Variants in LRRC4C observed in about 807,000 individuals in gnomAD.
LRRC4C encodes leucine-rich repeat-containing protein 4C.
Under a neutral mutation model 33.6 loss-of-function variants are expected in LRRC4C, and 5 were observed. That is an observed-to-expected ratio of 0.15 (90% CI 0.08 to 0.31). The LOEUF (loss-of-function observed/expected upper bound fraction) is 0.31, where lower values mean the gene tolerates loss of function less well. LRRC4C is among the 10% of genes least tolerant of loss of function. LRRC4C has a pLI of 1.00. For synonymous variants in LRRC4C, 329 were observed against 302.0 expected (o/e 1.09, Z -0.93); for missense variants, 560 against 796.7 (o/e 0.70, Z 3.58).
chr11:40,499,429 T>C (rs553930752), intron 3 of LRRC4C, among the ~76,000 whole-genome samples: 8 of 152,224 alleles, frequency 5.3e-5, no homozygotes, highest in South Asian at 2.1e-4. Context: ...AATCTTTGGG[T>C]AAAAATGGCC....
rs1590408072 is a variant in LRRC4C, at chr11:40,116,271, G to A, written c.22C>T (p.His8Tyr). MLNKMTL[H>Y]PQQIMIGPRF... ...GGACCTATCATTATCTGCTGTGGATGTAAGGTCATCTTGTTCAACATTCAT... is the reference window on the plus strand; with the variant it reads ...GGACCTATCATTATCTGCTGTGGATATAAGGTCATCTTGTTCAACATTCAT... Residue 8 changes from histidine (H) to tyrosine (Y), a missense_variant, in exon 7 of 7, where the codon CAT becomes TAT. Coordinates refer to ENST00000528697, the MANE Select transcript of LRRC4C (RefSeq NM_001258419.2). 8.7e-6 allele frequency: 14 copies of A among 1,600,434 alleles called. 1 individual carries two copies. The East Asian group carries it at 2.7e-4, about 31-fold the overall frequency.
intron 3 of LRRC4C, among the ~76,000 whole-genome samples, chr11:40,505,719 G>A (rs1955000009): frequency 6.6e-6 from 1 of 152,126 alleles, no homozygotes; most frequent in Non-Finnish European, 1.5e-5. Context: ...CTTGACACTT[G>A]CTTTACTAGG....
intron 1 of LRRC4C, among the ~76,000 whole-genome samples, chr11:41,439,932 T>C (rs915502244): frequency 6.6e-6 from 1 of 152,236 alleles, no homozygotes; most frequent in Non-Finnish European, 1.5e-5. Context: ...CAAATACTTC[T>C]CTCATTCAGT....
At chr11:40,522,880 C>T (rs1242901068) in intron 3 of LRRC4C, among the ~76,000 whole-genome samples, 3 of 152,140 alleles carry the variant, frequency 2.0e-5, no homozygotes, top group African/African-American at 7.2e-5. Context: ...GTCCAAATAT[C>T]TTTTCTCTTA....
At chr11:41,129,355 A>AT (rs1435010086) in intron 1 of LRRC4C, among the ~76,000 whole-genome samples, 1 of 151,814 alleles carries the variant, frequency 6.6e-6, no homozygotes, top group Non-Finnish European at 1.5e-5. Flanking sequence ...TTTTTCCTCT[A>AT]TTTTTTAATA....
At position 41,296,155 on chromosome 11, in the gene LRRC4C, A is replaced by C. The variant is rs372168181; in HGVS notation, c.-496+163276T>G. On this transcript the variant is annotated intron_variant, in intron 1 of 6. Transcript: ENST00000528697. ...TGGCAAAGATTTTTTAAAAATTGTGAGGGACAGAATCTCAGTGCTCAGAAA... is the reference window on the plus strand; with the variant it reads ...TGGCAAAGATTTTTTAAAAATTGTGCGGGACAGAATCTCAGTGCTCAGAAA... 1.2e-4 allele frequency among the ~76,000 whole-genome samples: 19 copies of C among 152,298 alleles called. No homozygotes were observed. In the East Asian group the frequency reaches 2.1e-3, roughly 17 times the overall value.
intron 3 of LRRC4C, among the ~76,000 whole-genome samples, chr11:40,424,398 C>A (rs1327614700): frequency 2.0e-5 from 3 of 151,998 alleles, no homozygotes; most frequent in African/African-American, 7.3e-5. Context: ...AAAAAGAAAA[C>A]AAAATGATTA....
intron 3 of LRRC4C, among the ~76,000 whole-genome samples, chr11:40,495,786 G>A (rs983252903): frequency 6.6e-5 from 8 of 121,242 alleles, no homozygotes; most frequent in South Asian, 5.6e-4. Context: ...TTGGGACATC[G>A]ATTTTATTGA....
intron 3 of LRRC4C, among the ~76,000 whole-genome samples, chr11:40,616,080 C>A (rs576988301): frequency 1.3e-5 from 2 of 151,968 alleles, no homozygotes; most frequent in South Asian, 4.2e-4. Flanking sequence ...ACAAACAACC[C>A]CATCAAAAAG....
intron 3 of LRRC4C, among the ~76,000 whole-genome samples, chr11:40,401,693 A>G (rs1393909020): frequency 6.6e-6 from 1 of 152,158 alleles, no homozygotes; most frequent in South Asian, 2.1e-4. Context: ...TGCCCTCTAC[A>G]GCCCACTGCA....
intron 5 of LRRC4C, among the ~76,000 whole-genome samples, chr11:40,195,727 A>AT (rs377397241): frequency 1.0e-4 from 15 of 146,452 alleles, no homozygotes; most frequent in African/African-American, 3.8e-4. Flanking sequence ...TGTATGGCAA[A>AT]TAAAAAGGTG....
At chr11:40,656,726 G>A (rs533652893) in intron 2 of LRRC4C, among the ~76,000 whole-genome samples, 7 of 152,194 alleles carry the variant, frequency 4.6e-5, no homozygotes, top group African/African-American at 1.7e-4. Flanking sequence ...TATATTGTAG[G>A]TTTCCACCTA....
intron 3 of LRRC4C, among the ~76,000 whole-genome samples, chr11:40,537,127 T>A (rs72883474): frequency 0.088 from 13,385 of 152,172 alleles, 1,673 homozygotes; most frequent in African/African-American, 0.28. Context: ...TGACCTTCAA[T>A]AACAAAAAAT....
At chr11:40,651,350 G>A (rs978338012) in intron 2 of LRRC4C, among the ~76,000 whole-genome samples, 8 of 151,944 alleles carry the variant, frequency 5.3e-5, no homozygotes, top group African/African-American at 1.7e-4. Flanking sequence ...AAAAGAGATG[G>A]GGGTGGGGGA....
chr11:40,981,369 A>G (rs543838023), intron 1 of LRRC4C, among the ~76,000 whole-genome samples: 22 of 151,980 alleles, frequency 1.4e-4, no homozygotes, highest in African/African-American at 4.3e-4. Flanking sequence ...AGCAGAGATC[A>G]CGCCACTGCA....
intron 3 of LRRC4C, among the ~76,000 whole-genome samples, chr11:40,559,102 C>T (rs535356842): frequency 6.6e-6 from 1 of 151,198 alleles, no homozygotes; most frequent in African/African-American, 2.4e-5. Flanking sequence ...TGTCTAATCT[C>T]TTATTGATGG....
intron 2 of LRRC4C, among the ~76,000 whole-genome samples, chr11:40,736,610 A>G (rs941785738): frequency 6.6e-6 from 1 of 152,160 alleles, no homozygotes; most frequent in African/African-American, 2.4e-5. Context: ...CAATGGTTGA[A>G]TTAATTTACA....
chr11:40,988,104 G>A lies in LRRC4C; in HGVS notation c.-495-54381C>T, dbSNP rs552666723. On this transcript the variant is annotated intron_variant, in intron 1 of 6. Transcript: ENST00000528697. ...TTCCTCTATAGATATACTGGCTCCT[G>A]TAGTTTTTGCTCACAGGAGTAAAGC... Among the ~76,000 whole-genome samples, 14 of 152,242 alleles carry A rather than the reference G, an allele frequency of 9.2e-5. No homozygotes were observed. The East Asian group carries it at 2.7e-3, about 29-fold the overall frequency.
At chr11:40,306,884 C>T (rs976860661) in intron 4 of LRRC4C, among the ~76,000 whole-genome samples, 2 of 151,444 alleles carry the variant, frequency 1.3e-5, no homozygotes, top group African/African-American at 2.4e-5. Flanking sequence ...CAAAAGATCT[C>T]GATTACTCAT....
Sources: gnomAD v4.1 joint callset for allele counts (sites outside exome capture counted in the v4.1 genomes callset) on GRCh38, gnomAD v4.1.1 for gene constraint, MANE v1.5 for transcripts, NCBI Gene and HGNC (gene_info 2026-07-23, HGNC 2026-07-21) for gene names.